MB21D2: variants seen among roughly 807,000 people sequenced by gnomAD.
MB21D2 encodes the protein Mab-21 domain containing 2, also known as nucleotidyltransferase MB21D2.
MB21D2 carries 9 observed loss-of-function variants against 33.3 expected under a neutral mutation model. The ratio of observed to expected loss-of-function variants is 0.27; its 90% CI spans 0.16 to 0.47. MB21D2 has a LOEUF of 0.47. Among genes scored for constraint, MB21D2 ranks in the 20% least tolerant of loss-of-function variants. MB21D2 has a pLI of 0.99. For synonymous variants in MB21D2, 241 were observed against 236.3 expected, an observed-to-expected ratio of 1.02 and a Z score of -0.18; for missense variants, 540 against 624.6, an observed-to-expected ratio of 0.86 and a Z score of 1.44.
rs1720540937 is a variant in MB21D2 at position 192,797,201 on chromosome 3, G to C, written c.*1185C>G. 6.6e-6 allele frequency: 1 copy of C among 152,606 alleles called. No individual in the cohort carries two copies. Among genetic ancestry groups the C allele is most frequent in the South Asian group, 2.1e-4 (1 of 4,828 alleles). 9.5% of individuals were successfully genotyped at this position (152,606 alleles called of 1,614,324 possible). ...GGCTGCCACCCACAGATATTTCCTG[G>C]GTGCTGCTCTATAGCAATACCTGCT... On this transcript the variant is annotated 3_prime_UTR_variant, in exon 2 of 2. Transcript: ENST00000392452.
At chr3:192,869,662 T>A (rs1227110809) in intron 1 of MB21D2, among the ~76,000 whole-genome samples, 1 of 151,814 alleles carries the variant, frequency 6.6e-6, no homozygotes, top group Admixed American at 6.6e-5. Context: ...AAAACCCCCC[T>A]TTCTCCTCCC....
At chr3:192,898,400 G>A (rs376283485) in intron 1 of MB21D2, among the ~76,000 whole-genome samples, 68 of 151,912 alleles carry the variant, frequency 4.5e-4, no homozygotes, top group African/African-American at 1.5e-3. Context: ...GAAAAGGTTG[G>A]GAATAACTGG....
intron 1 of MB21D2, among the ~76,000 whole-genome samples, chr3:192,866,867 C>G (rs533870525): frequency 1.3e-4 from 20 of 152,086 alleles, no homozygotes; most frequent in Non-Finnish European, 1.0e-4. Flanking sequence ...GTGCTCTGAC[C>G]ATCTCTCCCC....
chr3:192,866,564 G>T (rs968897409), intron 1 of MB21D2, among the ~76,000 whole-genome samples: 5 of 152,032 alleles, frequency 3.3e-5, no homozygotes, highest in African/African-American at 1.2e-4. Flanking sequence ...GCATGCATAC[G>T]TGCACGTGTA....
Position 192,799,438 on chromosome 3 carries a change from C to T in MB21D2, c.424G>A (p.Ala142Thr), listed in dbSNP as rs1340023150. Residue 142 changes from alanine to threonine, a missense_variant, in exon 2 of 2, where the codon GCC (alanine) becomes ACC (threonine). Transcript: ENST00000392452. The surrounding 1 kb of genome is among the most constrained non-coding windows in gnomAD (Gnocchi z 4.1). Reference protein sequence around the residue: ...QPVTLDMRHSALCHSWLSLRL... With the variant: ...QPVTLDMRHSTLCHSWLSLRL... Reference sequence around the variant, plus strand: ...AGGCTCAGCCAAGAGTGGCACAAGGCTGAGTGGCGCATGTCGAGTGTCACA... The same window carrying T: ...AGGCTCAGCCAAGAGTGGCACAAGGTTGAGTGGCGCATGTCGAGTGTCACA... 11 of 1,614,106 alleles carry T rather than the reference C, an allele frequency of 6.8e-6. No homozygotes were observed. Among genetic ancestry groups the T allele is most frequent in the Admixed American group, 6.7e-5 (4 of 60,008 alleles).
At chr3:192,840,031 C>T (rs1437307985) in intron 1 of MB21D2, among the ~76,000 whole-genome samples, 1 of 152,088 alleles carries the variant, frequency 6.6e-6, no homozygotes, top group African/African-American at 2.4e-5. Context: ...GATTGGAAAA[C>T]AATATTTAAA....
At chr3:192,828,574 A>G (rs1712227908) in intron 1 of MB21D2, among the ~76,000 whole-genome samples, 2 of 85,092 alleles carry the variant, frequency 2.4e-5, no homozygotes, top group African/African-American at 8.6e-5. Flanking sequence ...TTTATATACA[A>G]TAAAACTCAC....
At chr3:192,820,270 G>A (rs1712014959) in intron 1 of MB21D2, among the ~76,000 whole-genome samples, 1 of 152,108 alleles carries the variant, frequency 6.6e-6, no homozygotes, top group Non-Finnish European at 1.5e-5. Context: ...TCATGAAACA[G>A]ATTGTAAAAA....
intron 1 of MB21D2, among the ~76,000 whole-genome samples, chr3:192,834,356 C>A (rs12639455): frequency 0.61 from 88,704 of 146,242 alleles, 28,772 homozygotes; most frequent in African/African-American, 0.83. Context: ...AACAAAAAAA[C>A]CCAAATCCAG....
intron 1 of MB21D2, among the ~76,000 whole-genome samples, chr3:192,817,844 C>A (rs1711959852): frequency 6.6e-6 from 1 of 152,102 alleles, no homozygotes; most frequent in African/African-American, 2.4e-5. Flanking sequence ...AAAATCCTTC[C>A]ACGGTGCCCC....
At chr3:192,891,705 G>A (rs1320869941) in intron 1 of MB21D2, among the ~76,000 whole-genome samples, 1 of 152,102 alleles carries the variant, frequency 6.6e-6, no homozygotes, top group Non-Finnish European at 1.5e-5. Flanking sequence ...TTCCACACCA[G>A]CTACATGACC....
chr3:192,900,014 G>A (rs1484742889), intron 1 of MB21D2, among the ~76,000 whole-genome samples: 1 of 152,152 alleles, frequency 6.6e-6, no homozygotes, highest in Non-Finnish European at 1.5e-5. Context: ...GCCAGGCACA[G>A]TGGCTCACGC....
intron 1 of MB21D2, among the ~76,000 whole-genome samples, chr3:192,844,314 T>G (rs1425875588): frequency 6.6e-6 from 1 of 152,218 alleles, no homozygotes; most frequent in African/African-American, 2.4e-5. Context: ...TTGGCTGCCC[T>G]GAATGTTAGT....
intron 1 of MB21D2, among the ~76,000 whole-genome samples, chr3:192,885,881 G>A (rs1429662253): frequency 1.3e-5 from 2 of 152,082 alleles, no homozygotes; most frequent in East Asian, 3.8e-4. Flanking sequence ...TCAAATTTTG[G>A]ACAATCCCAC....
intron 1 of MB21D2, 71 bp downstream of exon 1, chr3:192,917,559 C>G (rs9819230): frequency 0.53 from 811,669 of 1,533,056 alleles, 217,639 homozygotes; most frequent in African/African-American, 0.69. Context: ...CGAGAAGCGG[C>G]AATGGGTTTT....
intron 1 of MB21D2, among the ~76,000 whole-genome samples, chr3:192,898,396 G>A (rs1714023701): frequency 6.6e-6 from 1 of 151,910 alleles, no homozygotes; most frequent in Non-Finnish European, 1.5e-5. Flanking sequence ...TTTAGAAAAG[G>A]TTGGGAATAA....
intron 1 of MB21D2, among the ~76,000 whole-genome samples, chr3:192,813,800 T>C (rs1198024147): frequency 6.6e-6 from 1 of 152,170 alleles, no homozygotes; most frequent in African/African-American, 2.4e-5. Flanking sequence ...TGTCAATTTG[T>C]TGTAAGGTGG....
chr3:192,837,213 C>T (rs976995555), intron 1 of MB21D2, among the ~76,000 whole-genome samples: 4 of 152,220 alleles, frequency 2.6e-5, no homozygotes, highest in African/African-American at 7.2e-5. Flanking sequence ...CCCGAGAGAG[C>T]TCTCCATTGC....
intron 1 of MB21D2, among the ~76,000 whole-genome samples, chr3:192,833,589 C>T (rs1577177135): frequency 6.6e-6 from 1 of 152,268 alleles, no homozygotes; most frequent in East Asian, 1.9e-4. Flanking sequence ...GACAGATGGG[C>T]TACGAAGTCA....
Sources: gnomAD v4.1 joint callset for allele counts (sites outside exome capture counted in the v4.1 genomes callset) on GRCh38, gnomAD v4.1.1 for gene constraint, Gnocchi (gnomAD v3.1) non-coding constraint, MANE v1.5 for transcripts, NCBI Gene and HGNC (gene_info 2026-07-23, HGNC 2026-07-21) for gene names.